TBL1X: variants seen among roughly 807,000 people sequenced by gnomAD.
TBL1X encodes the protein transducin beta like 1 X-linked.
A neutral mutation model predicts 50.7 loss-of-function variants in TBL1X; 10 were observed. That is an observed-to-expected ratio of 0.20 (90% confidence interval 0.12 to 0.33). The LOEUF (loss-of-function observed/expected upper bound fraction) is 0.33. TBL1X is among the 10% of genes least tolerant of loss of function. The pLI, the probability that TBL1X is intolerant of heterozygous loss-of-function variation, is 1.00. For synonymous variants in TBL1X, 190 were observed against 214.7 expected, an observed-to-expected ratio of 0.88 and a Z score of 1.01; for missense variants, 340 against 504.4, an observed-to-expected ratio of 0.67 and a Z score of 3.12.
intron 1 of TBL1X, among the ~76,000 whole-genome samples, chrX:9,495,099 T>C (rs1183123770): frequency 9.0e-6 from 1 of 111,365 alleles, no homozygotes; most frequent in Non-Finnish European, 1.9e-5. Context: ...GAAAGGTTCA[T>C]CTCTGTCCCT....
At chrX:9,576,030 A>G (rs1164687734) in intron 2 of TBL1X, among the ~76,000 whole-genome samples, 1 of 112,088 alleles carries the variant, frequency 8.9e-6, no homozygotes, top group Non-Finnish European at 1.9e-5. Flanking sequence ...ACAGTTGGCT[A>G]TCAAAGTATT....
chrX:9,675,430 G>T (rs1040022923), intron 5 of TBL1X, among the ~76,000 whole-genome samples: 2 of 111,415 alleles, frequency 1.8e-5, no homozygotes, highest in Non-Finnish European at 3.8e-5. Context: ...AAAACTGGAT[G>T]TAGTGTGAGT....
chrX:9,504,719 T>A (rs750294715), intron 2 of TBL1X, among the ~76,000 whole-genome samples: 28 of 111,567 alleles, frequency 2.5e-4, no homozygotes, highest in Admixed American at 6.7e-4. Context: ...AGAAAGGATA[T>A]CAGAGTTTGA....
intron 2 of TBL1X, among the ~76,000 whole-genome samples, chrX:9,626,168 A>G (rs780108524): frequency 6.6e-4 from 73 of 111,354 alleles, no homozygotes; most frequent in African/African-American, 2.3e-3. Flanking sequence ...GTCTCTTTGT[A>G]CCACAATATC....
At chrX:9,664,185 T>G (rs977122099) in intron 5 of TBL1X, among the ~76,000 whole-genome samples, 6 of 112,253 alleles carry the variant, frequency 5.3e-5, no homozygotes, top group African/African-American at 1.9e-4. Flanking sequence ...GTTTTGCAGT[T>G]TCCCCTGAGT....
intron 2 of TBL1X, among the ~76,000 whole-genome samples, chrX:9,533,771 A>ATTT (rs1351522580): frequency 1.8e-5 from 2 of 111,631 alleles, no homozygotes; most frequent in Non-Finnish European, 3.8e-5. Context: ...AGACCAGGAC[A>ATTT]CTACCTCTGC....
At chrX:9,469,347 G>T (rs2081797950) in intron 1 of TBL1X, among the ~76,000 whole-genome samples, 1 of 111,072 alleles carries the variant, frequency 9.0e-6, no homozygotes, top group South Asian at 3.8e-4. Flanking sequence ...ATTTTTAGTA[G>T]AGGTGGGGTT....
chrX:9,691,135 G>A lies in TBL1X; in HGVS notation c.617-444G>A, dbSNP rs192977219. 1.6e-3 allele frequency among the ~76,000 whole-genome samples: 178 copies of A among 111,928 alleles called. 1 individual carries two copies. Among genetic ancestry groups the A allele is most frequent in the African/African-American group, 5.3e-3 (164 of 30,852 alleles). On this transcript the variant is annotated intron_variant, in intron 7 of 17. Coordinates refer to ENST00000645353, the MANE Select transcript of TBL1X (RefSeq NM_005647.4). ...TAAATTGCACTAAAGCCACGATTTC[G>A]TTAGAATCATCAGAGGTAGGCCGGG...
intron 12 of TBL1X, among the ~76,000 whole-genome samples, chrX:9,700,701 C>T (rs911658120): frequency 5.4e-5 from 6 of 111,202 alleles, no homozygotes; most frequent in African/African-American, 2.0e-4. Flanking sequence ...TTTAATGGGG[C>T]GATAGGAGAC....
chrX:9,585,022 A>G (rs1264757747), intron 2 of TBL1X, among the ~76,000 whole-genome samples: 1 of 111,822 alleles, frequency 8.9e-6, no homozygotes, highest in Non-Finnish European at 1.9e-5. Flanking sequence ...AAAAAATCCA[A>G]CTGCAAGGAG....
chrX:9,491,342 T>A (rs868709480), intron 1 of TBL1X, among the ~76,000 whole-genome samples: 295 of 77,633 alleles, frequency 3.8e-3, no homozygotes, highest in Middle Eastern at 0.013. Flanking sequence ...ATATATATTT[T>A]TTTTTTTTTT....
At chrX:9,566,926 A>C (rs1301711803) in intron 2 of TBL1X, among the ~76,000 whole-genome samples, 1 of 112,163 alleles carries the variant, frequency 8.9e-6, no homozygotes, top group Non-Finnish European at 1.9e-5. Flanking sequence ...CAGCTGAGGA[A>C]ACTCTGGTGC....
intron 2 of TBL1X, among the ~76,000 whole-genome samples, chrX:9,516,043 T>C (rs989462550): frequency 4.5e-5 from 5 of 111,396 alleles, no homozygotes; most frequent in Admixed American, 3.8e-4. Context: ...GACCACTGTT[T>C]TTGTACATGT....
chrX:9,620,132 G>A (rs907708863), intron 2 of TBL1X, among the ~76,000 whole-genome samples: 1 of 111,841 alleles, frequency 8.9e-6, no homozygotes, highest in Non-Finnish European at 1.9e-5. Context: ...GAGGGATGTG[G>A]TACCGTGTGG....
At chrX:9,705,496 T>G (rs1008459641) in intron 13 of TBL1X, among the ~76,000 whole-genome samples, 2 of 111,560 alleles carry the variant, frequency 1.8e-5, no homozygotes, top group Non-Finnish European at 3.8e-5. Flanking sequence ...GGCTTATGCC[T>G]ATAATCCCAG....
chrX:9,509,303 A>G (rs2082042485), intron 2 of TBL1X, among the ~76,000 whole-genome samples: 2 of 98,446 alleles, frequency 2.0e-5, no homozygotes, highest in South Asian at 5.5e-4. Context: ...AGGCAGGAGA[A>G]TGGCATGAAC....
intron 2 of TBL1X, among the ~76,000 whole-genome samples, chrX:9,611,025 G>C (rs1219104958): frequency 1.8e-5 from 2 of 111,584 alleles, no homozygotes; most frequent in African/African-American, 6.5e-5. Flanking sequence ...TCTAACACTG[G>C]GTTCCTTTCA....
chrX:9,667,811 G>A (rs1472438514), intron 5 of TBL1X, among the ~76,000 whole-genome samples: 1 of 111,525 alleles, frequency 9.0e-6, no homozygotes, highest in Non-Finnish European at 1.9e-5. Context: ...TTTTTCCTTC[G>A]TAAAATTTTT....
Position 9,701,552 on chromosome X carries a change from A to G in TBL1X, c.1115-3441A>G, listed in dbSNP as rs1046653065. Among the ~76,000 whole-genome samples, 7 of 96,624 alleles carry G rather than the reference A, an allele frequency of 7.2e-5. No individual in the cohort carries two copies. In the Admixed American group the frequency reaches 8.1e-4, roughly 11 times the overall value. The allele number at this position is 96,624 out of a possible 115,157, so 83.9% of individuals were successfully genotyped here. A position where few individuals can be genotyped will look rare whatever the true frequency, so the allele number is the denominator to read the frequency against. Reference sequence around the variant, plus strand: ...CCACACATAAAATACGCTAACACTAACAATAGCTTGATGAGCTAAAAAAAA... The same window carrying G: ...CCACACATAAAATACGCTAACACTAGCAATAGCTTGATGAGCTAAAAAAAA... On this transcript the variant is annotated intron_variant, in intron 12 of 17. Transcript: ENST00000645353.
Sources: gnomAD v4.1 joint callset for allele counts (sites outside exome capture counted in the v4.1 genomes callset) on GRCh38, gnomAD v4.1.1 for gene constraint, MANE v1.5 for transcripts, NCBI Gene and HGNC (gene_info 2026-07-23, HGNC 2026-07-21) for gene names.